CRACDL: variants seen among roughly 807,000 people sequenced by gnomAD.
CRACDL encodes CRACD-like protein.
CRACDL carries 26 observed loss-of-function variants against 70.6 expected under a neutral mutation model. The observed-to-expected ratio is 0.37, with a 90% CI of 0.27 to 0.51. The LOEUF (loss-of-function observed/expected upper bound fraction) is 0.51, where lower values mean the gene tolerates loss of function less well. CRACDL is among the 20% of genes least tolerant of loss of function. The pLI, the probability that CRACDL is intolerant of heterozygous loss-of-function variation, is 0.94. For missense variants in CRACDL, 1,283 were observed against 1,376.9 expected (o/e 0.93, Z 1.08); for synonymous variants, 618 against 615.2 (o/e 1.00, Z -0.07).
chr2:98,895,761 G>C (rs1210054130), intron 1 of CRACDL, among the ~76,000 whole-genome samples: 4 of 152,322 alleles, frequency 2.6e-5, no homozygotes, highest in Admixed American at 1.3e-4. Flanking sequence ...GCTATGGTCT[G>C]AATGTTCATG....
intron 1 of CRACDL, among the ~76,000 whole-genome samples, chr2:98,908,701 G>C (rs1274662820): frequency 6.6e-6 from 1 of 152,206 alleles, no homozygotes; most frequent in Non-Finnish European, 1.5e-5. Context: ...GGGTTTCCAA[G>C]GTGGCTTACA....
At chr2:98,796,410 A>AG in intron 8 of CRACDL, 146 bp from the exon 9 acceptor site, 2 of 721,874 alleles carry the variant, frequency 2.8e-6, no homozygotes, top group Non-Finnish European at 4.7e-6. Context: ...GTGTCAGCTC[A>AG]CTAACACCGA....
At chr2:98,868,990 G>T in intron 1 of CRACDL, 3 of 727,046 alleles carry the variant, frequency 4.1e-6, no homozygotes, top group Admixed American at 2.4e-5. Context: ...CTCAGGGGAT[G>T]GTGGCCACCC....
intron 1 of CRACDL, among the ~76,000 whole-genome samples, chr2:98,889,140 G>T (rs1160824841): frequency 6.9e-6 from 1 of 145,608 alleles, no homozygotes; most frequent in East Asian, 2.0e-4. Context: ...AAAAAGGGGG[G>T]GGAAGAAAAG....
At position 98,822,517 on chromosome 2, in the gene CRACDL, CCGGACGAGG is replaced by C; in HGVS notation, c.1747_1755del (p.Pro583_Pro585del). On this transcript the variant is annotated inframe_deletion, in exon 7 of 10. Coordinates refer to ENST00000397899, the MANE Select transcript of CRACDL (RefSeq NM_207362.3). The surrounding 1 kb of genome is among the most constrained non-coding windows in gnomAD (Gnocchi z 4.9). ...GCCCGTTCCAGCGGGCGGGAGACGC[CCGGACGAGG>C]CCGCGCTCGGCACGAGGACACCGAG... The C allele has an allele frequency of 6.9e-7, 1 of 1,458,354 alleles. No individual in the cohort carries two copies. Among genetic ancestry groups the C allele is most frequent in the Non-Finnish European group, 9.0e-7 (1 of 1,113,918 alleles). 90.3% of individuals were successfully genotyped at this position (1,458,354 alleles called of 1,614,324 possible). A position where few individuals can be genotyped will look rare whatever the true frequency, so the allele number is the denominator to read the frequency against.
intron 1 of CRACDL, among the ~76,000 whole-genome samples, chr2:98,896,600 T>C (rs556698794): frequency 2.8e-4 from 43 of 152,244 alleles, no homozygotes; most frequent in African/African-American, 9.9e-4. Context: ...GCAGAATGAT[T>C]GACACTCACA....
intron 6 of CRACDL, among the ~76,000 whole-genome samples, chr2:98,826,733 G>T (rs1705316962): frequency 6.6e-6 from 1 of 152,248 alleles, no homozygotes; most frequent in Non-Finnish European, 1.5e-5. Flanking sequence ...TAGTGAGTGT[G>T]TGAGGAATGA....
intron 1 of CRACDL, among the ~76,000 whole-genome samples, chr2:98,881,847 G>A (rs1463773147): frequency 6.6e-6 from 1 of 152,194 alleles, no homozygotes; most frequent in East Asian, 1.9e-4. Context: ...GTCCACTTCT[G>A]AGAGGTGCCT....
At chr2:98,795,283 C>T (rs1490972937) in intron 9 of CRACDL, among the ~76,000 whole-genome samples, 1 of 151,390 alleles carries the variant, frequency 6.6e-6, no homozygotes, top group Admixed American at 6.6e-5. Flanking sequence ...GCCATGTTGG[C>T]CAGGCTGGTC....
intron 1 of CRACDL, among the ~76,000 whole-genome samples, chr2:98,849,756 T>C (rs1706406147): frequency 6.6e-6 from 1 of 151,690 alleles, no homozygotes; most frequent in Non-Finnish European, 1.5e-5. Flanking sequence ...TCATGTCACA[T>C]GGAAGGTTTC....
In CRACDL at chr2:98,816,940, G is replaced by A. The variant is rs561556507; in HGVS notation, c.2416+4917C>T. 8.5e-5 allele frequency among the ~76,000 whole-genome samples: 13 copies of A among 152,242 alleles called. No homozygotes were observed. The East Asian group carries it at 1.2e-3, about 14-fold the overall frequency. ...GCACTATTCACAACAGCCAAGATGC[G>A]GAAACAGCCTAAATGTGTTTGGACA... On this transcript the variant is annotated intron_variant, in intron 7 of 9. Transcript: ENST00000397899.
intron 1 of CRACDL, among the ~76,000 whole-genome samples, chr2:98,850,214 C>T (rs1051759923): frequency 3.9e-5 from 6 of 152,238 alleles, no homozygotes; most frequent in African/African-American, 1.4e-4. Context: ...GGGCTCAAAC[C>T]ACTGCCAGGT....
At chr2:98,852,581 G>A (rs976980141) in intron 1 of CRACDL, among the ~76,000 whole-genome samples, 2 of 151,968 alleles carry the variant, frequency 1.3e-5, no homozygotes, top group Admixed American at 1.3e-4. Context: ...AAACAAAAAT[G>A]TAGCCATAAT....
At chr2:98,904,655 G>A (rs1235269675) in intron 1 of CRACDL, among the ~76,000 whole-genome samples, 2 of 152,094 alleles carry the variant, frequency 1.3e-5, no homozygotes, top group African/African-American at 2.4e-5. Flanking sequence ...AATTTATTTC[G>A]TTTCATTCAA....
chr2:98,808,558 C>A (rs1024902634), intron 7 of CRACDL, among the ~76,000 whole-genome samples: 2 of 152,130 alleles, frequency 1.3e-5, no homozygotes, highest in East Asian at 3.9e-4. Context: ...CTGCCCCCTG[C>A]CCCCAGGCTC....
At chr2:98,890,713 AT>A (rs967160483) in intron 1 of CRACDL, among the ~76,000 whole-genome samples, 33 of 152,336 alleles carry the variant, frequency 2.2e-4, no homozygotes, top group African/African-American at 7.9e-4. Flanking sequence ...TAAATCTGAA[AT>A]GCTGCAATGA....
chr2:98,831,308 G>A (rs1257164732), intron 5 of CRACDL, among the ~76,000 whole-genome samples: 5 of 152,290 alleles, frequency 3.3e-5, no homozygotes, highest in South Asian at 2.1e-4. Context: ...CATCAGTGAC[G>A]TTCGGGGAAC....
At chr2:98,879,421 A>G (rs1021599459) in intron 1 of CRACDL, among the ~76,000 whole-genome samples, 5 of 152,202 alleles carry the variant, frequency 3.3e-5, no homozygotes, top group Admixed American at 6.5e-5. Context: ...TTCGACATCA[A>G]TATCTTCCTA....
At chr2:98,841,454 G>A (rs1418659403) in intron 2 of CRACDL, among the ~76,000 whole-genome samples, 1 of 151,948 alleles carries the variant, frequency 6.6e-6, no homozygotes, top group Non-Finnish European at 1.5e-5. Flanking sequence ...GTCAATACAA[G>A]GACCTTCGAA....
Sources: allele counts gnomAD v4.1 joint callset (sites outside exome capture counted in the v4.1 genomes callset), GRCh38; gene constraint gnomAD v4.1.1; non-coding constraint Gnocchi (gnomAD v3.1); transcripts MANE v1.5; gene names NCBI Gene and HGNC (gene_info 2026-07-23, HGNC 2026-07-21).